Variants in RDX observed in about 807,000 individuals in gnomAD.
RDX encodes deafness, autosomal recessive 24.
In RDX, 32 loss-of-function variants were observed where a neutral mutation model predicts 83.7. The observed-to-expected ratio is 0.38, with a 90% CI of 0.29 to 0.51. The LOEUF (loss-of-function observed/expected upper bound fraction) is 0.51. Ranked by LOEUF, RDX falls within the 20% of genes least tolerant of loss-of-function variation. RDX has a pLI of 0.87. For missense variants in RDX, 600 were observed against 689.9 expected, an observed-to-expected ratio of 0.87 and a Z score of 1.46; for synonymous variants, 229 against 222.7, an observed-to-expected ratio of 1.03 and a Z score of -0.25.
chr11:110,221,737 A>G (rs1864257873), intron 14 of RDX, among the ~76,000 whole-genome samples: 1 of 152,210 alleles, frequency 6.6e-6, no homozygotes, highest in African/African-American at 2.4e-5. Flanking sequence ...GAAATATCAC[A>G]TGAATAAACA....
At chr11:110,201,950 TGTGTG>T (rs1863425646) in intron 14 of RDX, among the ~76,000 whole-genome samples, 1 of 125,574 alleles carries the variant, frequency 8.0e-6, no homozygotes, top group South Asian at 2.5e-4. Context: ...TGTGTGTGTG[TGTGTG>T]TTTTCAGTAG....
chr11:110,242,364 G>A (rs1221455012), intron 10 of RDX, among the ~76,000 whole-genome samples: 1 of 151,148 alleles, frequency 6.6e-6, no homozygotes, highest in Non-Finnish European at 1.5e-5. Context: ...AACCCGGGAG[G>A]CAGAGGTTGC....
intron 8 of RDX, among the ~76,000 whole-genome samples, chr11:110,254,642 A>G (rs745527637): frequency 1.4e-4 from 21 of 151,858 alleles, no homozygotes; most frequent in Non-Finnish European, 2.9e-4. Flanking sequence ...CATCTGACTA[A>G]TATTTGTATT....
At position 110,230,579 on chromosome 11, in the gene RDX, TACACACAC is replaced by T. The variant is rs61030269; in HGVS notation, c.*1282_*1289del. The T allele has an allele frequency of 2.3e-3, 340 of 146,944 alleles. 10 individuals carry two copies. In the East Asian group the frequency reaches 0.039, roughly 17 times the overall value. 9.1% of individuals were successfully genotyped at this position (146,944 alleles called of 1,614,324 possible). ...TTCTCTCTCTCATACACACACAGAG[TACACACAC>T]ACACACACACACACACACACACAGT... On this transcript the variant is annotated 3_prime_UTR_variant, in exon 14 of 14. Coordinates refer to ENST00000645495, the MANE Select transcript of RDX (RefSeq NM_002906.4).
chr11:110,203,678 A>T (rs887728312), intron 14 of RDX, among the ~76,000 whole-genome samples: 14 of 152,044 alleles, frequency 9.2e-5, no homozygotes, highest in African/African-American at 2.9e-4. Context: ...TTAAAAATAA[A>T]TTTTTTAAAT....
At chr11:110,294,829 G>A (rs573036811) in intron 1 of RDX, among the ~76,000 whole-genome samples, 12 of 152,048 alleles carry the variant, frequency 7.9e-5, no homozygotes, top group Non-Finnish European at 1.8e-4. Context: ...TCCATGTGTG[G>A]GGATACAGGA....
intron 2 of RDX, among the ~76,000 whole-genome samples, chr11:110,277,244 C>T (rs1295172798): frequency 6.6e-6 from 1 of 152,180 alleles, no homozygotes. Flanking sequence ...ACATTCCTAA[C>T]AAAAATACAA....
intron 3 of RDX, among the ~76,000 whole-genome samples, chr11:110,272,118 A>T (rs1860332253): frequency 6.6e-6 from 1 of 152,208 alleles, no homozygotes; most frequent in African/African-American, 2.4e-5. Context: ...CCAAAATCTA[A>T]AAACATCCAA....
downstream of RDX, among the ~76,000 whole-genome samples, chr11:110,225,884 T>TA (rs1355695594): frequency 2.4e-3 from 331 of 140,596 alleles, no homozygotes; most frequent in Admixed American, 4.4e-3. Flanking sequence ...CTGTCTCTAC[T>TA]AAAAAAAAAA....
intron 9 of RDX, among the ~76,000 whole-genome samples, chr11:110,250,394 C>T (rs1042389162): frequency 6.6e-6 from 1 of 152,204 alleles, no homozygotes; most frequent in African/African-American, 2.4e-5. Flanking sequence ...CAATCACATC[C>T]AGTTCTGCCA....
rs770629836 is a variant in RDX at position 110,272,497 on chromosome 11, T to A, written c.96+39A>T. The A allele has an allele frequency of 2.3e-5, 29 of 1,262,104 alleles. No homozygotes were observed. The Admixed American group carries it at 4.1e-4, about 18-fold the overall frequency. The allele number at this position is 1,262,104 out of a possible 1,614,324, so 78.2% of individuals were successfully genotyped here. On this transcript the variant is annotated intron_variant, in intron 3 of 13. Coordinates refer to ENST00000645495, the MANE Select transcript of RDX (RefSeq NM_002906.4). ...AAGAGGTATGCAACAACATTCACAC[T>A]ATGGTGTCAAAAGTTGCATATTTCA...
At chr11:110,188,164 C>A (rs1167753895) in intron 15 of RDX, among the ~76,000 whole-genome samples, 1 of 152,014 alleles carries the variant, frequency 6.6e-6, no homozygotes, top group East Asian at 1.9e-4. Context: ...CATGGTGGTG[C>A]GCCCTTGTGA....
chr11:110,236,246 T>C (rs1864845681), intron 11 of RDX, 55 bp from the exon 12 acceptor site: 1 of 1,388,646 alleles, frequency 7.2e-7, no homozygotes, highest in South Asian at 1.2e-5. Flanking sequence ...AATAATCTTA[T>C]AAGTCAACAA....
chr11:110,195,798 G>A (rs1483722492), intron 15 of RDX: 1 of 152,198 alleles, frequency 6.6e-6, no homozygotes, highest in Admixed American at 6.5e-5. Flanking sequence ...TAGTCATGCA[G>A]AAAAAAGTGG....
intron 2 of RDX, among the ~76,000 whole-genome samples, chr11:110,276,789 A>G (rs1860535072): frequency 6.6e-6 from 1 of 152,204 alleles, no homozygotes; most frequent in African/African-American, 2.4e-5. Context: ...TTCCTATTCC[A>G]TAATTTTGAC....
intron 11 of RDX, among the ~76,000 whole-genome samples, chr11:110,237,126 T>C (rs1052265683): frequency 1.4e-4 from 21 of 145,218 alleles, no homozygotes; most frequent in African/African-American, 5.4e-4. Context: ...CTATAATATA[T>C]TATATAACTA....
chr11:110,265,750 T>C (rs368575197), intron 3 of RDX, among the ~76,000 whole-genome samples: 3 of 152,210 alleles, frequency 2.0e-5, no homozygotes, highest in African/African-American at 2.4e-5. Flanking sequence ...TTATGACTTA[T>C]TGAACAATTT....
intron 10 of RDX, among the ~76,000 whole-genome samples, chr11:110,245,171 T>TA (rs1859047005): frequency 6.6e-6 from 1 of 152,142 alleles, no homozygotes; most frequent in African/African-American, 2.4e-5. Flanking sequence ...AGGCTGGTCT[T>TA]AAACTCCTGA....
chr11:110,247,906 G>A, intron 9 of RDX, 73 bp from the exon 10 acceptor site: 1 of 1,484,626 alleles, frequency 6.7e-7, no homozygotes. Flanking sequence ...ATACTACTCT[G>A]CCATAAAAAG....
Sources: gnomAD v4.1 joint callset for allele counts (sites outside exome capture counted in the v4.1 genomes callset) on GRCh38, gnomAD v4.1.1 for gene constraint, MANE v1.5 for transcripts, NCBI Gene and HGNC (gene_info 2026-07-23, HGNC 2026-07-21) for gene names.